EXOC2: variants seen among roughly 807,000 people sequenced by gnomAD.
EXOC2 encodes exocyst complex component 2, also known as SEC5-like 1.
In EXOC2, 70 loss-of-function variants were observed where a neutral mutation model predicts 131.8. That is an observed-to-expected ratio of 0.53 (90% CI 0.44 to 0.65). The LOEUF is 0.65. Ranked by LOEUF, EXOC2 falls within the 30% of genes least tolerant of loss-of-function variation. The probability of loss-of-function intolerance (pLI) is 0.00; values close to 1 mark genes in which losing one functional copy is unlikely to be tolerated. For missense variants in EXOC2, 923 were observed against 1,108.6 expected, an observed-to-expected ratio of 0.83 and a Z score of 2.38; for synonymous variants, 411 against 398.4, an observed-to-expected ratio of 1.03 and a Z score of -0.38.
At chr6:637,623 T>G (rs1415126384) in intron 2 of EXOC2, 78 bp downstream of exon 2, 4 of 1,139,522 alleles carry the variant, frequency 3.5e-6, no homozygotes, top group African/African-American at 1.6e-5. Context: ...CTTCACTGTT[T>G]GAAAATTACA....
intron 1 of EXOC2, among the ~76,000 whole-genome samples, chr6:689,482 C>G (rs192701584): frequency 3.0e-4 from 46 of 152,346 alleles, no homozygotes; most frequent in Non-Finnish European, 5.9e-4. Flanking sequence ...TGGGCCTTTG[C>G]TCCTGGTATG....
At chr6:643,694 T>C (rs72835985) in intron 1 of EXOC2, among the ~76,000 whole-genome samples, 17,494 of 149,804 alleles carry the variant, frequency 0.12, 1,202 homozygotes, top group East Asian at 0.17. Context: ...ATGACAGAAA[T>C]AGGAAAAAAA....
At chr6:628,717 C>T (rs970815647) in intron 4 of EXOC2, among the ~76,000 whole-genome samples, 2 of 152,178 alleles carry the variant, frequency 1.3e-5, no homozygotes, top group Non-Finnish European at 2.9e-5. Flanking sequence ...ACTGGCTTTC[C>T]AGAGCCTTGA....
chr6:606,401 G>C (rs1760414088), intron 7 of EXOC2, among the ~76,000 whole-genome samples: 1 of 151,700 alleles, frequency 6.6e-6, no homozygotes, highest in South Asian at 2.1e-4. Context: ...ATGTACCCTA[G>C]AACTTAAAGT....
Position 590,336 on chromosome 6 carries a change from A to G in EXOC2, c.1192+2133T>C, listed in dbSNP as rs568207070. Among the ~76,000 whole-genome samples the G allele has an allele frequency of 4.3e-4, 66 of 152,194 alleles. 1 individual carries two copies. Among genetic ancestry groups the G allele is most frequent in the South Asian group, 6.2e-4 (3 of 4,834 alleles). On this transcript the variant is annotated intron_variant, in intron 11 of 27. Coordinates refer to ENST00000230449, the MANE Select transcript of EXOC2 (RefSeq NM_018303.6). ...TAATGACATTAATGGGGATGTTGAC[A>G]TGGCTTCAGCAGAGATACCTGGGTT...
intron 1 of EXOC2, among the ~76,000 whole-genome samples, chr6:677,942 A>T (rs1052281687): frequency 3.9e-4 from 59 of 151,690 alleles, no homozygotes; most frequent in Non-Finnish European, 7.1e-4. Context: ...TCTCACACAC[A>T]CACACACACA....
In EXOC2 at chr6:569,058, TAA is replaced by T. The variant is rs992784922; in HGVS notation, c.1443+3460_1443+3461del. ...AATATCTCCAACACAATGGATTATG[TAA>T]AGTTTGCCCTATTTTTAAAAGAAAA... is the stretch of plus-strand genomic sequence containing the variant. On this transcript the variant is annotated intron_variant, in intron 13 of 27. Transcript: ENST00000230449. Among the ~76,000 whole-genome samples the T allele has an allele frequency of 5.3e-5, 8 of 152,254 alleles. 1 individual carries two copies. Among genetic ancestry groups the T allele is most frequent in the Non-Finnish European group, 1.0e-4 (7 of 68,040 alleles).
chr6:588,975 G>A (rs1228982943), intron 11 of EXOC2, among the ~76,000 whole-genome samples: 4 of 152,154 alleles, frequency 2.6e-5, no homozygotes, highest in Admixed American at 6.5e-5. Context: ...AAGATATGAC[G>A]AGATAGATGA....
intron 3 of EXOC2, among the ~76,000 whole-genome samples, chr6:632,013 C>T (rs527442466): frequency 2.0e-4 from 30 of 152,272 alleles, no homozygotes; most frequent in African/African-American, 5.5e-4. Flanking sequence ...GGTTTAATTA[C>T]GCCTCTGATA....
chr6:619,150 C>CTAATA (rs1162548361), intron 5 of EXOC2, among the ~76,000 whole-genome samples: 1 of 152,140 alleles, frequency 6.6e-6, no homozygotes, highest in African/African-American at 2.4e-5. Context: ...AAGTCCCCAG[C>CTAATA]TAAGGCTCCA....
chr6:556,554 A>C lies in EXOC2; in HGVS notation c.1862T>G (p.Phe621Cys). The change falls in exon 18 of 28, where the codon TTT becomes TGT. Residue 621 changes from phenylalanine to cysteine, a missense_variant. Transcript: ENST00000230449. Reference sequence around the variant, plus strand: ...CAGAGAACACACGATGCACTGTTCAAACTGACATGGCTGAAGGGAAAACAG... The same window carrying C: ...CAGAGAACACACGATGCACTGTTCACACTGACATGGCTGAAGGGAAAACAG... ...NEGLTSLPCQFEQCIVCSLQS... is the reference protein window; with the variant it reads ...NEGLTSLPCQCEQCIVCSLQS... 3.7e-6 allele frequency: 6 copies of C among 1,614,182 alleles called. No homozygotes were observed. Among genetic ancestry groups the C allele is most frequent in the Non-Finnish European group, 5.1e-6 (6 of 1,180,026 alleles).
intron 17 of EXOC2, 87 bp from the exon 18 acceptor site, chr6:556,651 C>G: frequency 7.2e-7 from 1 of 1,382,548 alleles, no homozygotes; most frequent in Non-Finnish European, 1.0e-6. Flanking sequence ...GGCCCCAAGC[C>G]CCACATTTTC....
At chr6:590,900 C>T (rs532515494) in intron 11 of EXOC2, among the ~76,000 whole-genome samples, 7 of 152,182 alleles carry the variant, frequency 4.6e-5, no homozygotes, top group Admixed American at 6.5e-5. Flanking sequence ...CTACTTCCAT[C>T]TCTACTTACA....
intron 23 of EXOC2, among the ~76,000 whole-genome samples, chr6:517,302 C>T (rs1392831563): frequency 6.6e-6 from 1 of 151,862 alleles, no homozygotes; most frequent in Non-Finnish European, 1.5e-5. Flanking sequence ...GGACCCAGGG[C>T]CCACCTGAAG....
intron 7 of EXOC2, among the ~76,000 whole-genome samples, chr6:608,408 A>C (rs1414464828): frequency 6.6e-6 from 1 of 152,254 alleles, no homozygotes; most frequent in Non-Finnish European, 1.5e-5. Context: ...AAAAGGGGGA[A>C]TTGTTATAAA....
chr6:690,209 AGCCGAACCCGGTGGCAC>A (rs1764852868), intron 1 of EXOC2, among the ~76,000 whole-genome samples: 1 of 152,148 alleles, frequency 6.6e-6, no homozygotes, highest in Non-Finnish European at 1.5e-5. Context: ...TTTTAAAATG[AGCCGAACCCGGTGGCAC>A]GCACCTATAG....
At position 507,194 on chromosome 6, in the gene EXOC2, C is replaced by A. The variant is rs182089182; in HGVS notation, c.2381-7494G>T. On this transcript the variant is annotated intron_variant, in intron 23 of 27. Coordinates refer to ENST00000230449, the MANE Select transcript of EXOC2 (RefSeq NM_018303.6). Reference sequence around the variant, plus strand: ...CCCACACACACAGCAGTGACCCCCCCCACACACACACACAGCAGTGACCAC... The same window carrying A: ...CCCACACACACAGCAGTGACCCCCCACACACACACACACAGCAGTGACCAC... Among the ~76,000 whole-genome samples the A allele has an allele frequency of 8.8e-3, 162 of 18,468 alleles. 7 individuals carry two copies. Among genetic ancestry groups the A allele is most frequent in the East Asian group, 0.025 (13 of 522 alleles). 12.1% of individuals were successfully genotyped at this position (18,468 alleles called of 152,430 possible).
At chr6:523,523 T>C (rs1240537192) in intron 23 of EXOC2, among the ~76,000 whole-genome samples, 6 of 152,240 alleles carry the variant, frequency 3.9e-5, no homozygotes, top group South Asian at 2.1e-4. Flanking sequence ...TTTGTAGACA[T>C]TGAGTATACA....
intron 26 of EXOC2, 116 bp downstream of exon 26, chr6:491,008 AC>A: frequency 9.5e-7 from 1 of 1,057,798 alleles, no homozygotes; most frequent in Non-Finnish European, 1.4e-6. Flanking sequence ...AAACTTTATC[AC>A]ATCACAAATT....
Sources: gnomAD v4.1 joint callset for allele counts (sites outside exome capture counted in the v4.1 genomes callset) on GRCh38, gnomAD v4.1.1 for gene constraint, MANE v1.5 for transcripts, NCBI Gene and HGNC (gene_info 2026-07-23, HGNC 2026-07-21) for gene names.